ZNF395: variants seen among roughly 807,000 people sequenced by gnomAD.
The protein encoded by ZNF395 is zinc finger protein 395, also known as HD gene regulatory region-binding protein 2.
A neutral mutation model predicts 57.7 loss-of-function variants in ZNF395; 20 were observed. The ratio of observed to expected loss-of-function variants is 0.35; its 90% CI spans 0.24 to 0.50. ZNF395 has a LOEUF of 0.50. Ranked by LOEUF, ZNF395 falls within the 20% of genes least tolerant of loss-of-function variation. ZNF395 has a pLI of 0.97. For missense variants in ZNF395, 606 were observed against 671.2 expected (o/e 0.90, Z 1.07); for synonymous variants, 295 against 275.9 (o/e 1.07, Z -0.69).
intron 1 of ZNF395, among the ~76,000 whole-genome samples, chr8:28,384,733 A>G (rs756432856): frequency 6.6e-6 from 1 of 151,992 alleles, no homozygotes; most frequent in African/African-American, 2.4e-5. Context: ...AAAACTTAGT[A>G]CTCCAAGTCC....
At chr8:28,350,375 T>A (rs1801667025) in intron 7 of ZNF395, among the ~76,000 whole-genome samples, 1 of 152,232 alleles carries the variant, frequency 6.6e-6, no homozygotes, top group African/African-American at 2.4e-5. Context: ...AATCTCATCC[T>A]GGAACCCTTC....
rs556496891 is a variant in ZNF395, at chr8:28,377,771, T to C, written c.-59+8622A>G. ...CACTTTTTTTTTTTTTTTTTTTTTT[T>C]TTGAGAGATGGAGTCTCACTCTGTC... On this transcript the variant is annotated intron_variant, in intron 1 of 9. Coordinates refer to ENST00000344423, the MANE Select transcript of ZNF395 (RefSeq NM_018660.3). 4.5e-4 allele frequency among the ~76,000 whole-genome samples: 67 copies of C among 148,678 alleles called. No homozygotes were observed. In the East Asian group the frequency reaches 0.013, roughly 29 times the overall value.
At chr8:28,350,273 AC>A in intron 7 of ZNF395, 117 bp from the exon 8 acceptor site, 2 of 841,888 alleles carry the variant, frequency 2.4e-6, no homozygotes, top group Non-Finnish European at 3.7e-6. Flanking sequence ...AAGTGCAATG[AC>A]CAGAAAGAGC....
At chr8:28,373,989 GA>G (rs1282428457) in intron 1 of ZNF395, among the ~76,000 whole-genome samples, 4 of 152,166 alleles carry the variant, frequency 2.6e-5, no homozygotes, top group African/African-American at 9.7e-5. Context: ...CTACCCCAGA[GA>G]AAACTCACAG....
intron 4 of ZNF395, among the ~76,000 whole-genome samples, chr8:28,355,202 A>G (rs1801764949): frequency 2.6e-5 from 4 of 152,160 alleles, no homozygotes; most frequent in Admixed American, 1.3e-4. Flanking sequence ...AATATTTATA[A>G]TCCTGTTTTC....
chr8:28,359,523 C>T lies in ZNF395; in HGVS notation c.473+69G>A. ...ACACCACATTTCTTCCCCACCACAA[C>T]ACAGCCCACACCCTTACACCACACT... On this transcript the variant is annotated intron_variant, in intron 3 of 9. Transcript: ENST00000344423. This position sits in a 1 kb window ranked among gnomAD's most constrained non-coding sequence, Gnocchi z 4.7. The T allele has an allele frequency of 6.7e-7, 1 of 1,495,748 alleles. No homozygotes were observed. 92.7% of individuals were successfully genotyped at this position (1,495,748 alleles called of 1,614,324 possible).
chr8:28,367,012 T>C (rs572320387), intron 1 of ZNF395, among the ~76,000 whole-genome samples: 2 of 151,782 alleles, frequency 1.3e-5, no homozygotes. Context: ...GGTGTGTACT[T>C]AGGATTTTCA....
intron 1 of ZNF395, among the ~76,000 whole-genome samples, chr8:28,368,039 C>A (rs1276548971): frequency 3.3e-5 from 5 of 152,042 alleles, no homozygotes; most frequent in African/African-American, 1.2e-4. Flanking sequence ...GGCGCTGGGG[C>A]GTGCATGTAT....
At chr8:28,363,236 A>G (rs964554270) in intron 1 of ZNF395, among the ~76,000 whole-genome samples, 2 of 151,820 alleles carry the variant, frequency 1.3e-5, no homozygotes, top group African/African-American at 4.8e-5. Context: ...GGTTCAAGCA[A>G]TTCTCCTACC....
rs1042939525 is a variant in ZNF395, at chr8:28,348,690, C to G, written c.*29G>C. On this transcript the variant is annotated 3_prime_UTR_variant, in exon 10 of 10. Transcript: ENST00000344423. Reference sequence around the variant, plus strand: ...TCTTGTCAGTGGCTGCCGGCAGGGCCAGGAACAGAGTAGAACCTGCAGCAC... The same window carrying G: ...TCTTGTCAGTGGCTGCCGGCAGGGCGAGGAACAGAGTAGAACCTGCAGCAC... 2 of 1,604,266 alleles carry G rather than the reference C, an allele frequency of 1.2e-6. No homozygotes were observed. The highest frequency in any genetic ancestry group is 1.7e-6 in the Non-Finnish European group (2 of 1,171,462).
intron 1 of ZNF395, 34 bp from the exon 2 acceptor site, chr8:28,361,216 C>T: frequency 6.3e-7 from 1 of 1,577,570 alleles, no homozygotes. Context: ...GGAGGGAGCC[C>T]CACACAGCAG....
At chr8:28,364,303 TTGATTTTCATCAACTTGG>T (rs1165343817) in intron 1 of ZNF395, among the ~76,000 whole-genome samples, 3 of 152,126 alleles carry the variant, frequency 2.0e-5, no homozygotes, top group Non-Finnish European at 4.4e-5. Context: ...CTCAATTAAG[TTGATTTTCATCAACTTGG>T]TGTTTTTTTC....
chr8:28,349,717 C>A (rs1468863406), intron 8 of ZNF395, among the ~76,000 whole-genome samples: 1 of 152,238 alleles, frequency 6.6e-6, no homozygotes, highest in Non-Finnish European at 1.5e-5. Flanking sequence ...ACATTCTCCC[C>A]CTTCCTCTCC....
intron 1 of ZNF395, among the ~76,000 whole-genome samples, chr8:28,361,908 G>A (rs1310194708): frequency 2.0e-5 from 3 of 151,834 alleles, no homozygotes; most frequent in East Asian, 1.9e-4. Context: ...CCTGGCCAAC[G>A]TCATGAAACC....
At chr8:28,381,073 G>T (rs1463142425) in intron 1 of ZNF395, among the ~76,000 whole-genome samples, 1 of 138,858 alleles carries the variant, frequency 7.2e-6, no homozygotes, top group Non-Finnish European at 1.6e-5. Context: ...ACGGAGTCTC[G>T]CTCTGTCGCC....
At position 28,349,003 on chromosome 8, in the gene ZNF395, C is replaced by A; in HGVS notation, c.1430+122G>T. ...AAACAGTCATCCCATCTGGTGCATC[C>A]GCCATCTGGGCTCCTCTCTGGGGAC... On this transcript the variant is annotated intron_variant, in intron 9 of 9. Transcript: ENST00000344423. 3.4e-6 allele frequency: 4 copies of A among 1,177,586 alleles called. No individual in the cohort carries two copies. In the South Asian group the frequency reaches 5.6e-5, roughly 17 times the overall value. The allele number at this position is 1,177,586 out of a possible 1,614,324, so 72.9% of individuals were successfully genotyped here. A position where few individuals can be genotyped will look rare whatever the true frequency, so the allele number is the denominator to read the frequency against.
At chr8:28,353,805 G>C (rs913104674) in intron 4 of ZNF395, among the ~76,000 whole-genome samples, 2 of 152,120 alleles carry the variant, frequency 1.3e-5, no homozygotes, top group Non-Finnish European at 2.9e-5. Flanking sequence ...GATGGGGAGG[G>C]GGAAGGGCAA....
Position 28,352,498 on chromosome 8 carries a change from G to C in ZNF395, c.920+75C>G. On this transcript the variant is annotated intron_variant, in intron 6 of 9. Coordinates refer to ENST00000344423, the MANE Select transcript of ZNF395 (RefSeq NM_018660.3). This position sits in a 1 kb window ranked among gnomAD's most constrained non-coding sequence, Gnocchi z 4.0. ...CGTTCCTGAAAGCACTGTGGGCTGT[G>C]GGTCACAGGGACTCGGCAGGGTGGA... 1 of 1,334,430 alleles carries C rather than the reference G, an allele frequency of 7.5e-7. No homozygotes were observed. The highest frequency in any genetic ancestry group is 1.1e-6 in the Non-Finnish European group (1 of 937,836). The allele number at this position is 1,334,430 out of a possible 1,614,324, so 82.7% of individuals were successfully genotyped here.
intron 7 of ZNF395, among the ~76,000 whole-genome samples, chr8:28,350,571 G>C (rs76752687): frequency 0.01 from 1,579 of 152,296 alleles, 35 homozygotes; most frequent in African/African-American, 0.037. Flanking sequence ...GAGTAGTAGT[G>C]TGCTCATGGG....
Sources: gnomAD v4.1 joint callset for allele counts (sites outside exome capture counted in the v4.1 genomes callset) on GRCh38, gnomAD v4.1.1 for gene constraint, Gnocchi (gnomAD v3.1) non-coding constraint, MANE v1.5 for transcripts, NCBI Gene and HGNC (gene_info 2026-07-23, HGNC 2026-07-21) for gene names.